The following TMEM175 variants were observed in gnomAD, a reference collection of about 807,000 sequenced individuals.
TMEM175 encodes the protein transmembrane protein 175, also known as endosomal/lysosomal proton channel TMEM175.
Under a neutral mutation model 36.5 loss-of-function variants are expected in TMEM175, and 36 were observed. The observed-to-expected ratio is 0.99, with a 90% CI of 0.76 to 1.30. The LOEUF (loss-of-function observed/expected upper bound fraction) is 1.30, where lower values mean the gene tolerates loss of function less well. Ranked by LOEUF, TMEM175 falls within the 50% of genes most tolerant of loss-of-function variation. The pLI, the probability that TMEM175 is intolerant of heterozygous loss-of-function variation, is 0.00. For synonymous variants in TMEM175, 339 were observed against 313.4 expected (o/e 1.08, Z -0.86); for missense variants, 705 against 692.8 (o/e 1.02, Z -0.20).
At position 953,222 on chromosome 4, in the gene TMEM175, G is replaced by T; in HGVS notation, c.495G>T (p.Pro165=). The T allele has an allele frequency of 1.2e-6, 2 of 1,612,978 alleles. No individual in the cohort carries two copies. The highest frequency in any genetic ancestry group is 8.5e-7 in the Non-Finnish European group (1 of 1,179,464). The stretch of plus-strand genomic sequence containing the variant: ...TTGTGGGGTACGCATTCCACTTCCC[G>T]CACCTGCTGAGCCCGCAGATCCAGC... The part of the protein sequence containing the change: ...ALIVGYAFHF[P]HLLSPQIQRS... The change falls in exon 8 of 11, where the codon CCG becomes CCT. Residue 165 remains proline (P), a synonymous_variant. Transcript: ENST00000264771.
At chr4:943,213 A>G (rs1466878537) in intron 1 of TMEM175, among the ~76,000 whole-genome samples, 1 of 152,212 alleles carries the variant, frequency 6.6e-6, no homozygotes, top group East Asian at 1.9e-4. Context: ...CACGAGTACT[A>G]GAATGACTAA....
intron 1 of TMEM175, among the ~76,000 whole-genome samples, chr4:943,125 G>A (rs1727726654): frequency 6.6e-6 from 1 of 152,156 alleles, no homozygotes; most frequent in Admixed American, 6.5e-5. Context: ...ACACTTCACT[G>A]TGAAAGCTAT....
chr4:949,906 T>G (rs1219737732), intron 3 of TMEM175, among the ~76,000 whole-genome samples: 2 of 152,158 alleles, frequency 1.3e-5, no homozygotes, highest in Non-Finnish European at 2.9e-5. Flanking sequence ...GCCGGACGCC[T>G]CACAGGGATG....
chr4:955,299 C>T (rs967818808), intron 8 of TMEM175, 106 bp from the exon 9 acceptor site: 4 of 821,328 alleles, frequency 4.9e-6, no homozygotes, highest in African/African-American at 1.7e-5. Flanking sequence ...TCTGCAAAGA[C>T]CCTCCCTTCT....
At position 955,777 on chromosome 4, in the gene TMEM175, C is replaced by G. The variant is rs1483108492; in HGVS notation, c.729C>G (p.His243Gln). Reference protein sequence around the residue: ...RLLGHREPSAHPVEVFSFDLH... With the variant: ...RLLGHREPSAQPVEVFSFDLH... ...CAGGCCACAGGGAGCCCTCGGCTCA[C>G]CCAGTGGAAGTCTTCTCGTTTGACC... Residue 243 changes from histidine (H) to glutamine (Q), a missense_variant, in exon 10 of 11, where the codon CAC becomes CAG. By Grantham distance (24) the His-to-Gln change is conservative (BLOSUM62 0). Transcript: ENST00000264771. The G allele has an allele frequency of 6.2e-7, 1 of 1,613,564 alleles. No individual in the cohort carries two copies. The highest frequency in any genetic ancestry group is 1.3e-5 in the African/African-American group (1 of 74,938).
rs368050248 is a variant in TMEM175, at chr4:953,323, C to T, written c.596C>T (p.Ala199Val). 1.0e-4 allele frequency: 162 copies of T among 1,613,388 alleles called. No homozygotes were observed. Among genetic ancestry groups the T allele is most frequent in the Middle Eastern group, 1.6e-4 (1 of 6,074 alleles). The change falls in exon 8 of 11, where the codon GCG (alanine) becomes GTG (valine). Residue 199 changes from alanine to valine, a missense_variant. Physicochemically the swap from Ala to Val is moderately conservative, Grantham distance 64 (BLOSUM62 0). Transcript: ENST00000264771. ...VLQGPALCFA[A>V]AIFSLFFVPL... is the part of the protein sequence containing the mutation. ...CAAGGCCCGGCCCTGTGCTTTGCAGCGGCCATCTTCTCTCTCTTCTTTGTC... is the reference window on the plus strand; with the variant it reads ...CAAGGCCCGGCCCTGTGCTTTGCAGTGGCCATCTTCTCTCTCTTCTTTGTC...
chr4:955,773 C>G lies in TMEM175; in HGVS notation c.725C>G (p.Ala242Gly). The change falls in exon 10 of 11, where the codon GCT (alanine) becomes GGT (glycine). Residue 242 changes from alanine (A) to glycine (G), a missense_variant. By Grantham distance (60) the Ala-to-Gly change is moderately conservative. Transcript: ENST00000264771. Reference sequence around the variant, plus strand: ...TCCCCAGGCCACAGGGAGCCCTCGGCTCACCCAGTGGAAGTCTTCTCGTTT... The same window carrying G: ...TCCCCAGGCCACAGGGAGCCCTCGGGTCACCCAGTGGAAGTCTTCTCGTTT... ...DRLLGHREPS[A>G]HPVEVFSFDL... 3 of 1,613,588 alleles carry G rather than the reference C, an allele frequency of 1.9e-6. No individual in the cohort carries two copies. The South Asian group carries it at 3.3e-5, about 18-fold the overall frequency.
At chr4:943,560 T>C (rs896210746) in intron 1 of TMEM175, among the ~76,000 whole-genome samples, 1 of 152,068 alleles carries the variant, frequency 6.6e-6, no homozygotes, top group African/African-American at 2.4e-5. Context: ...CTAAATTATT[T>C]CTCTAAGCTG....
chr4:957,879 G>A lies in TMEM175; in HGVS notation c.898G>A (p.Val300Met), dbSNP rs112745939. ...DVKERFSGSL[V>M]AALSATGPRF... ...GAAGGAGAGGTTCAGCGGCAGCCTC[G>A]TGGCCGCCCTGAGTGCGACCGGGCC... Residue 300 changes from valine (V) to methionine (M), a missense_variant, in exon 11 of 11, where the codon GTG becomes ATG. Physicochemically the swap from Val to Met is conservative, Grantham distance 21. Coordinates refer to ENST00000264771, the MANE Select transcript of TMEM175 (RefSeq NM_032326.4). 1,194 of 1,612,706 alleles carry A rather than the reference G, an allele frequency of 7.4e-4. 8 individuals carry two copies. The African/African-American group carries it at 0.013, about 18-fold the overall frequency.
In TMEM175 at chr4:950,452, C is replaced by A; in HGVS notation, c.224C>A (p.Ala75Glu). The change falls in exon 4 of 11, where the codon GCA (alanine) becomes GAA (glutamate). Residue 75 changes from alanine to glutamate, a missense_variant. Physicochemically the swap from Ala to Glu is moderately radical, Grantham distance 107 (BLOSUM62 -1). Transcript: ENST00000264771. Reference protein sequence around the residue: ...QFDRSVQRLLATRIAVYLMTF... With the variant: ...QFDRSVQRLLETRIAVYLMTF... Reference sequence around the variant, plus strand: ...GACAGAAGTGTACAGAGGCTTCTGGCAACACGGATTGCCGTCTACCTGATG... The same window carrying A: ...GACAGAAGTGTACAGAGGCTTCTGGAAACACGGATTGCCGTCTACCTGATG... 6.2e-7 allele frequency: 1 copy of A among 1,614,102 alleles called. No homozygotes were observed. Among genetic ancestry groups the A allele is most frequent in the Non-Finnish European group, 8.5e-7 (1 of 1,179,968 alleles).
At chr4:948,689 A>G in intron 3 of TMEM175, 1 of 1,203,088 alleles carries the variant, frequency 8.3e-7, no homozygotes, top group South Asian at 1.5e-5. Flanking sequence ...ACAGCATCTT[A>G]GAAGGGGAAT....
intron 1 of TMEM175, among the ~76,000 whole-genome samples, chr4:941,835 C>T (rs112681681): frequency 4.6e-5 from 7 of 151,720 alleles, no homozygotes; most frequent in Admixed American, 1.3e-4. Context: ...CTTGGGAGGC[C>T]GAGGCAGGAG....
chr4:955,306 T>C, intron 8 of TMEM175, 99 bp from the exon 9 acceptor site: 1 of 897,776 alleles, frequency 1.1e-6, no homozygotes, highest in East Asian at 2.5e-5. Flanking sequence ...AGACCCTCCC[T>C]TCTGCCGCAG....
chr4:958,279 C>G lies in TMEM175; in HGVS notation c.1298C>G (p.Ala433Gly), dbSNP rs1158272379. 2 of 1,606,366 alleles carry G rather than the reference C, an allele frequency of 1.2e-6. No individual in the cohort carries two copies. The highest frequency in any genetic ancestry group is 1.7e-6 in the Non-Finnish European group (2 of 1,179,658). Residue 433 changes from alanine to glycine, a missense_variant, in exon 11 of 11, where the codon GCC becomes GGC. Coordinates refer to ENST00000264771, the MANE Select transcript of TMEM175 (RefSeq NM_032326.4). Reference sequence around the variant, plus strand: ...CTGTACCCCTGTGCCAGCCTGCTGGCCTTCGCCTCCACCTGCCTGCTGAGC... The same window carrying G: ...CTGTACCCCTGTGCCAGCCTGCTGGGCTTCGCCTCCACCTGCCTGCTGAGC... ...LALYPCASLL[A>G]FASTCLLSRF...
chr4:947,991 G>A, intron 2 of TMEM175, 99 bp downstream of exon 2: 1 of 1,611,202 alleles, frequency 6.2e-7, no homozygotes, highest in Non-Finnish European at 8.5e-7. Flanking sequence ...AGCATCCTTG[G>A]GTCCCCCAGC....
chr4:942,162 G>A (rs1446248587), intron 1 of TMEM175, among the ~76,000 whole-genome samples: 3 of 151,888 alleles, frequency 2.0e-5, no homozygotes, highest in East Asian at 3.9e-4. Context: ...GGGTTCAAGC[G>A]ATTCTCCTGC....
intron 3 of TMEM175, among the ~76,000 whole-genome samples, 170 bp from the exon 4 acceptor site, chr4:950,251 C>G (rs1228878191): frequency 3.3e-5 from 5 of 152,078 alleles, no homozygotes; most frequent in East Asian, 1.9e-4. Flanking sequence ...GACCAGGGCA[C>G]TCAGGGTCTG....
intron 3 of TMEM175, among the ~76,000 whole-genome samples, chr4:948,950 CA>C (rs1228091161): frequency 3.3e-5 from 5 of 152,160 alleles, no homozygotes; most frequent in African/African-American, 1.2e-4. Flanking sequence ...ATAGGGTTTT[CA>C]TAAGTAGAAA....
chr4:949,051 C>T (rs1057234850), intron 3 of TMEM175, among the ~76,000 whole-genome samples: 11 of 152,180 alleles, frequency 7.2e-5, no homozygotes, highest in Non-Finnish European at 1.3e-4. Context: ...GAGCCGCTCC[C>T]GCCCTCCCTA....
Sources: allele counts gnomAD v4.1 joint callset (sites outside exome capture counted in the v4.1 genomes callset), GRCh38; gene constraint gnomAD v4.1.1; transcripts MANE v1.5; gene names NCBI Gene and HGNC (gene_info 2026-07-23, HGNC 2026-07-21).